Variants in WWOX observed in about 807,000 individuals in gnomAD.
The protein encoded by WWOX is WW domain-containing oxidoreductase.
In WWOX, 69 loss-of-function variants were observed where a neutral mutation model predicts 46.2. The ratio of observed to expected loss-of-function variants is 1.49; its 90% CI spans 1.23 to 1.82. WWOX has a LOEUF of 1.82. WWOX is among the 40% of genes most tolerant of loss of function. WWOX has a pLI of 0.00. For synonymous variants in WWOX, 359 were observed against 202.6 expected (o/e 1.77, Z -6.56); for missense variants, 919 against 542.6 (o/e 1.69, Z -6.89).
intron 8 of WWOX, among the ~76,000 whole-genome samples, chr16:78,652,130 G>A (rs1173381509): frequency 6.6e-6 from 1 of 151,880 alleles, no homozygotes; most frequent in Non-Finnish European, 1.5e-5. Context: ...AGATGTTTGG[G>A]GCTGGGCGTG....
rs2293903 is a variant in WWOX at position 78,802,042 on chromosome 16, C to T, written c.1056+369290C>T. On this transcript the variant is annotated intron_variant, in intron 8 of 8. Coordinates refer to ENST00000566780, the MANE Select transcript of WWOX (RefSeq NM_016373.4). ...AGGCTGGTGTACCATGGTGGCTTCT[C>T]CTGGCTCTGCTGGTTATTATTATTA... Among the ~76,000 whole-genome samples the T allele has an allele frequency of 7.2e-5, 11 of 152,128 alleles. No individual in the cohort carries two copies. In the East Asian group the frequency reaches 2.1e-3, roughly 29 times the overall value.
intron 4 of WWOX, among the ~76,000 whole-genome samples, chr16:78,157,991 A>C (rs1277894736): frequency 1.3e-5 from 2 of 152,320 alleles, no homozygotes; most frequent in East Asian, 3.9e-4. Flanking sequence ...CATTTTACAG[A>C]AACGATAACT....
At chr16:78,761,042 C>A (rs1223768523) in intron 8 of WWOX, among the ~76,000 whole-genome samples, 1 of 152,134 alleles carries the variant, frequency 6.6e-6, no homozygotes, top group Admixed American at 6.5e-5. Context: ...TTATCTCCTA[C>A]CAGGCCCCTC....
chr16:79,133,819 C>T (rs1220156925), intron 8 of WWOX, among the ~76,000 whole-genome samples: 3 of 152,146 alleles, frequency 2.0e-5, no homozygotes, highest in African/African-American at 7.2e-5. Context: ...AATGAAATGA[C>T]ATTGGTCAAT....
intron 8 of WWOX, among the ~76,000 whole-genome samples, chr16:78,976,531 A>G (rs1448743449): frequency 6.6e-6 from 1 of 152,220 alleles, no homozygotes; most frequent in African/African-American, 2.4e-5. Flanking sequence ...ATGTAGTTGC[A>G]TGCACTTTGC....
intron 8 of WWOX, among the ~76,000 whole-genome samples, chr16:78,573,424 CAT>C (rs2044768697): frequency 6.6e-6 from 1 of 152,190 alleles, no homozygotes; most frequent in African/African-American, 2.4e-5. Flanking sequence ...GTGATGAAAA[CAT>C]AAGAATGTGG....
chr16:78,539,098 C>G (rs770030525), intron 8 of WWOX, among the ~76,000 whole-genome samples: 1 of 152,202 alleles, frequency 6.6e-6, no homozygotes. Flanking sequence ...GAACTTGCAA[C>G]CCTGATAACT....
intron 8 of WWOX, among the ~76,000 whole-genome samples, chr16:78,569,076 C>T (rs1269076944): frequency 1.3e-5 from 2 of 152,144 alleles, no homozygotes; most frequent in African/African-American, 4.8e-5. Context: ...TTACAGGCCA[C>T]TCTGTCTGAG....
At chr16:78,913,570 G>A (rs2045167804) in intron 8 of WWOX, among the ~76,000 whole-genome samples, 1 of 151,924 alleles carries the variant, frequency 6.6e-6, no homozygotes, top group Non-Finnish European at 1.5e-5. Context: ...CAGAAATACA[G>A]AACTAGTTTT....
At chr16:78,890,034 C>G (rs78883723) in intron 8 of WWOX, among the ~76,000 whole-genome samples, 6,154 of 151,944 alleles carry the variant, frequency 0.041, 250 homozygotes, top group Admixed American at 0.094. Context: ...AAGTTTGAAA[C>G]CAAGTGGCAC....
At chr16:78,853,382 T>C (rs1194688237) in intron 8 of WWOX, among the ~76,000 whole-genome samples, 1 of 152,128 alleles carries the variant, frequency 6.6e-6, no homozygotes, top group African/African-American at 2.4e-5. Flanking sequence ...CCGACTGATT[T>C]TTGTATTTTT....
At chr16:78,887,015 C>G (rs970474011) in intron 8 of WWOX, among the ~76,000 whole-genome samples, 2 of 151,174 alleles carry the variant, frequency 1.3e-5, no homozygotes, top group East Asian at 1.9e-4. Context: ...TATTGTCAGT[C>G]TCAAACCTTT....
At chr16:78,269,298 C>T (rs557954919) in intron 5 of WWOX, 3 of 152,188 alleles carry the variant, frequency 2.0e-5, no homozygotes, top group African/African-American at 7.2e-5. Flanking sequence ...CACAGGTGGG[C>T]CTAATTAACC....
chr16:78,640,984 AGGAAGGAAAAG>A (rs1250614641), intron 8 of WWOX, among the ~76,000 whole-genome samples: 3 of 151,824 alleles, frequency 2.0e-5, no homozygotes, highest in African/African-American at 7.3e-5. Context: ...GACAGATGGA[AGGAAGGAAAAG>A]GGAAGGGAAA....
chr16:78,684,762 G>C (rs930180601), intron 8 of WWOX, among the ~76,000 whole-genome samples: 1 of 152,142 alleles, frequency 6.6e-6, no homozygotes, highest in Admixed American at 6.5e-5. Context: ...AACTATGGAA[G>C]CACCATAGTT....
At position 78,103,446 on chromosome 16, in the gene WWOX, G is replaced by A. The variant is rs545754346; in HGVS notation, c.107+3561G>A. On this transcript the variant is annotated intron_variant, in intron 1 of 8. Coordinates refer to ENST00000566780, the MANE Select transcript of WWOX (RefSeq NM_016373.4). The stretch of plus-strand genomic sequence containing the variant: ...GATGCCAGGGCTTGGCTGGCTCTCA[G>A]CTGGAGGGCTCACTCTCTGGACCTT... 1.7e-4 allele frequency among the ~76,000 whole-genome samples: 26 copies of A among 152,098 alleles called. 1 individual carries two copies. The South Asian group carries it at 5.4e-3, about 32-fold the overall frequency.
rs368791665 is a variant in WWOX, at chr16:78,612,653, T to G, written c.1056+179901T>G. Among the ~76,000 whole-genome samples, 28 of 152,262 alleles carry G rather than the reference T, an allele frequency of 1.8e-4. 2 individuals are homozygous for G. The highest frequency in any genetic ancestry group is 6.3e-4 in the African/African-American group (26 of 41,562). ...CACCTGGCTATTTTTAATTTTAGTT[T>G]CTGTAGAGACAGAGACTTGCTGTGT... On this transcript the variant is annotated intron_variant, in intron 8 of 8. Transcript: ENST00000566780.
intron 8 of WWOX, among the ~76,000 whole-genome samples, chr16:78,801,683 G>A (rs1431496013): frequency 1.3e-5 from 2 of 152,236 alleles, no homozygotes; most frequent in Non-Finnish European, 2.9e-5. Context: ...TAAAGTGAGT[G>A]GTGAGTTGTG....
At chr16:79,067,638 G>A (rs1031513197) in intron 8 of WWOX, among the ~76,000 whole-genome samples, 5 of 102,262 alleles carry the variant, frequency 4.9e-5, no homozygotes, top group Middle Eastern at 4.8e-3. Flanking sequence ...GGTGGGGGGC[G>A]GGGGGGGGCA....
Sources: gnomAD v4.1 joint callset for allele counts (sites outside exome capture counted in the v4.1 genomes callset) on GRCh38, gnomAD v4.1.1 for gene constraint, MANE v1.5 for transcripts, NCBI Gene and HGNC (gene_info 2026-07-23, HGNC 2026-07-21) for gene names.